The following ROBO2 variants were observed in gnomAD, a reference collection of about 807,000 sequenced individuals.
The protein encoded by ROBO2 is roundabout guidance receptor 2.
In ROBO2, 53 loss-of-function variants were observed where a neutral mutation model predicts 160.8. The observed-to-expected ratio is 0.33, with a 90% CI of 0.26 to 0.41. The LOEUF (loss-of-function observed/expected upper bound fraction) is 0.41, where lower values mean the gene tolerates loss of function less well. Among genes scored for constraint, ROBO2 ranks in the 10% least tolerant of loss-of-function variants. The probability of loss-of-function intolerance (pLI) is 1.00; values close to 1 mark genes in which losing one functional copy is unlikely to be tolerated. For missense variants in ROBO2, 1,577 were observed against 1,722.4 expected, an observed-to-expected ratio of 0.92 and a Z score of 1.49; for synonymous variants, 664 against 611.7, an observed-to-expected ratio of 1.09 and a Z score of -1.26.
chr3:75,987,196 A>T (rs1018491495), intron 2 of ROBO2, among the ~76,000 whole-genome samples: 3 of 151,960 alleles, frequency 2.0e-5, no homozygotes, highest in Non-Finnish European at 4.4e-5. Context: ...CAACACATGG[A>T]CATGGAATAT....
At chr3:75,985,137 T>C (rs2107473132) in intron 2 of ROBO2, among the ~76,000 whole-genome samples, 1 of 151,578 alleles carries the variant, frequency 6.6e-6, no homozygotes, top group African/African-American at 2.4e-5. Context: ...TGCCCATCCT[T>C]ATGCATTGTA....
At chr3:76,537,647 G>A (rs992985241) in intron 2 of ROBO2, among the ~76,000 whole-genome samples, 2 of 152,066 alleles carry the variant, frequency 1.3e-5, no homozygotes, top group Admixed American at 6.5e-5. Context: ...TCTCCCGAAG[G>A]AGTCCCCCTG....
intron 2 of ROBO2, among the ~76,000 whole-genome samples, chr3:77,229,060 A>G (rs1580195377): frequency 6.6e-6 from 1 of 152,110 alleles, no homozygotes; most frequent in African/African-American, 2.4e-5. Context: ...CTTTTTTCAT[A>G]TTTAAGAACT....
At position 76,102,276 on chromosome 3, in the gene ROBO2, C is replaced by T. The variant is rs191498116; in HGVS notation, c.109+164674C>T. ...ATCTCAGTAATACATATATTGGTTG[C>T]ATTTTGAAGGATAACATTTGGATAT... On this transcript the variant is annotated intron_variant, in intron 2 of 26. Transcript: ENST00000487694. Among the ~76,000 whole-genome samples the T allele has an allele frequency of 3.9e-5, 6 of 152,290 alleles. No homozygotes were observed. In the East Asian group the frequency reaches 9.7e-4, roughly 24 times the overall value.
intron 2 of ROBO2, among the ~76,000 whole-genome samples, chr3:76,206,890 GT>G (rs1702841915): frequency 6.6e-6 from 1 of 152,104 alleles, no homozygotes. Flanking sequence ...ATTGATATTA[GT>G]TTCCAGCATC....
At chr3:77,513,876 GA>G (rs1010163220) in intron 5 of ROBO2, among the ~76,000 whole-genome samples, 1 of 151,568 alleles carries the variant, frequency 6.6e-6, no homozygotes, top group African/African-American at 2.4e-5. Flanking sequence ...TTTCATATCA[GA>G]AAAAATAAGG....
At chr3:76,872,988 C>A (rs139586566) in intron 2 of ROBO2, among the ~76,000 whole-genome samples, 5 of 152,090 alleles carry the variant, frequency 3.3e-5, no homozygotes, top group Admixed American at 2.6e-4. Context: ...GCGTTCTGTT[C>A]AAAAAATTCA....
At chr3:76,492,002 G>T (rs1256016982) in intron 2 of ROBO2, among the ~76,000 whole-genome samples, 2 of 152,174 alleles carry the variant, frequency 1.3e-5, no homozygotes, top group Admixed American at 6.5e-5. Flanking sequence ...TGTAGTCCCA[G>T]CTACTGGGGA....
At chr3:76,333,830 A>G (rs1354298228) in intron 2 of ROBO2, among the ~76,000 whole-genome samples, 1 of 152,186 alleles carries the variant, frequency 6.6e-6, no homozygotes, top group Non-Finnish European at 1.5e-5. Context: ...ATGATGGTTC[A>G]TGTCCTTTGT....
At chr3:77,036,932 TAA>T (rs1203929422), upstream of ROBO2, among the ~76,000 whole-genome samples, 1 of 152,064 alleles carries the variant, frequency 6.6e-6, no homozygotes, top group Non-Finnish European at 1.5e-5. Flanking sequence ...CTTCAGATTT[TAA>T]AGACTTTCCT....
At chr3:76,900,566 A>G (rs919433876) in intron 2 of ROBO2, among the ~76,000 whole-genome samples, 1 of 152,186 alleles carries the variant, frequency 6.6e-6, no homozygotes, top group East Asian at 1.9e-4. Flanking sequence ...GTAAGAAACA[A>G]TGTTGGTTAT....
chr3:76,245,816 G>A (rs966455537), intron 2 of ROBO2, among the ~76,000 whole-genome samples: 1 of 152,012 alleles, frequency 6.6e-6, no homozygotes, highest in African/African-American at 2.4e-5. Flanking sequence ...TGCTCCCTGG[G>A]CACAGACAAG....
chr3:77,434,371 A>T (rs2079082380), intron 2 of ROBO2, among the ~76,000 whole-genome samples: 1 of 152,110 alleles, frequency 6.6e-6, no homozygotes, highest in South Asian at 2.1e-4. Context: ...ACAAGTATGT[A>T]ATTGTGTAAA....
At chr3:76,418,492 G>A (rs576344659) in intron 2 of ROBO2, among the ~76,000 whole-genome samples, 1 of 152,220 alleles carries the variant, frequency 6.6e-6, no homozygotes, top group South Asian at 2.1e-4. Flanking sequence ...ACCCGCCTCG[G>A]CCTCCCAAGT....
At chr3:76,414,169 A>G (rs1204305794) in intron 2 of ROBO2, among the ~76,000 whole-genome samples, 2 of 152,186 alleles carry the variant, frequency 1.3e-5, no homozygotes, top group African/African-American at 4.8e-5. Flanking sequence ...CCCTCTCACA[A>G]CATGGGGAAT....
At chr3:76,786,408 G>A (rs1185597641) in intron 2 of ROBO2, among the ~76,000 whole-genome samples, 3 of 151,302 alleles carry the variant, frequency 2.0e-5, no homozygotes, top group Non-Finnish European at 4.4e-5. Flanking sequence ...ATAGGTCTCA[G>A]GAAACTTACA....
chr3:76,499,890 G>A (rs997996313), intron 2 of ROBO2, among the ~76,000 whole-genome samples: 8 of 151,888 alleles, frequency 5.3e-5, no homozygotes, highest in African/African-American at 9.7e-5. Context: ...AAGCTAGCCC[G>A]TGTGTGTGCT....
At chr3:77,100,161 A>AT (rs1347018059) in intron 2 of ROBO2, among the ~76,000 whole-genome samples, 6 of 152,154 alleles carry the variant, frequency 3.9e-5, no homozygotes, top group Admixed American at 3.3e-4. Context: ...TTAAACCATG[A>AT]TTTTTGTGTG....
At chr3:76,778,448 C>A (rs2062419119) in intron 2 of ROBO2, among the ~76,000 whole-genome samples, 2 of 150,968 alleles carry the variant, frequency 1.3e-5, no homozygotes, top group African/African-American at 2.4e-5. Context: ...TGGTAGATAT[C>A]TATTAGCTAG....
Sources: allele counts gnomAD v4.1 joint callset (sites outside exome capture counted in the v4.1 genomes callset), GRCh38; gene constraint gnomAD v4.1.1; transcripts MANE v1.5; gene names NCBI Gene and HGNC (gene_info 2026-07-23, HGNC 2026-07-21).